Variants in ANO2 observed in about 807,000 individuals in gnomAD.
ANO2 encodes anoctamin 2.
In ANO2, 101 loss-of-function variants were observed where a neutral mutation model predicts 124.2. That is an observed-to-expected ratio of 0.81 (90% CI 0.69 to 0.96). The LOEUF (loss-of-function observed/expected upper bound fraction) is 0.96. Ranked by LOEUF, ANO2 falls within the 40% of genes least tolerant of loss-of-function variation. The probability of loss-of-function intolerance (pLI) is 0.00; values close to 1 mark genes in which losing one functional copy is unlikely to be tolerated. For missense variants in ANO2, 1,293 were observed against 1,274.5 expected (o/e 1.01, Z -0.22); for synonymous variants, 486 against 482.5 (o/e 1.01, Z -0.09).
At chr12:5,798,081 C>A (rs954796287) in intron 10 of ANO2, among the ~76,000 whole-genome samples, 2 of 151,994 alleles carry the variant, frequency 1.3e-5, no homozygotes, top group African/African-American at 4.8e-5. Context: ...AAAACAAAAA[C>A]AAATGAGTAG....
rs527538721 is a variant in ANO2, at chr12:5,671,762, G to A, written c.1546-23961C>T. Among the ~76,000 whole-genome samples the A allele has an allele frequency of 2.4e-3, 372 of 152,260 alleles. 3 individuals are homozygous for A. The highest frequency in any genetic ancestry group is 7.9e-3 in the African/African-American group (328 of 41,534). ...ACTCGAAAGCCTAGAGATATACTCA[G>A]CCATTTTCTTTATGATGACCATATT... On this transcript the variant is annotated intron_variant, in intron 14 of 24. Coordinates refer to ENST00000682330, the MANE Select transcript of ANO2 (RefSeq NM_001364791.2).
At chr12:5,737,855 C>T (rs1025723318) in intron 13 of ANO2, among the ~76,000 whole-genome samples, 4 of 152,178 alleles carry the variant, frequency 2.6e-5, no homozygotes, top group Non-Finnish European at 5.9e-5. Flanking sequence ...TTCTCTGTTG[C>T]TTATCTTCCT....
intron 14 of ANO2, among the ~76,000 whole-genome samples, chr12:5,689,492 C>A (rs1052977000): frequency 6.6e-6 from 1 of 152,108 alleles, no homozygotes; most frequent in Admixed American, 6.5e-5. Context: ...CCTCTCAGCT[C>A]CTCCTAGATG....
intron 14 of ANO2, among the ~76,000 whole-genome samples, chr12:5,685,212 T>A (rs11063817): frequency 6.6e-6 from 1 of 152,030 alleles, no homozygotes; most frequent in African/African-American, 2.4e-5. Flanking sequence ...GGAGAAGGGC[T>A]TGGTCCTCAG....
intron 6 of ANO2, 33 bp downstream of exon 6, chr12:5,830,402 C>T: frequency 6.2e-7 from 1 of 1,605,276 alleles, no homozygotes; most frequent in Non-Finnish European, 8.5e-7. Flanking sequence ...TTTCCCCATC[C>T]TCTTTCCTAA....
chr12:5,853,173 T>TTTTC lies in ANO2; in HGVS notation c.633+869_633+870insGAAA, dbSNP rs1436351004. On this transcript the variant is annotated intron_variant, in intron 4 of 24. Transcript: ENST00000682330. ...TAGAAATTCCCTGGGTAGATTTTTTTTTTTTTTTGGTAGAGGTGGGGTTTT... is the reference window on the plus strand; with the variant it reads ...TAGAAATTCCCTGGGTAGATTTTTTTTTTCTTTTTTTTGGTAGAGGTGGGGTTTT... Among the ~76,000 whole-genome samples, 14 of 150,788 alleles carry TTTTC rather than the reference T, an allele frequency of 9.3e-5. 1 individual carries two copies. Among genetic ancestry groups the TTTTC allele is most frequent in the Non-Finnish European group, 2.1e-4 (14 of 67,612 alleles).
At chr12:5,930,815 A>C (rs541477674) in intron 1 of ANO2, among the ~76,000 whole-genome samples, 1 of 152,234 alleles carries the variant, frequency 6.6e-6, no homozygotes, top group South Asian at 2.1e-4. Flanking sequence ...CTCAGTCTCT[A>C]TATGCAGCCA....
intron 11 of ANO2, among the ~76,000 whole-genome samples, chr12:5,750,082 C>T (rs1401040423): frequency 6.6e-6 from 1 of 152,026 alleles, no homozygotes; most frequent in East Asian, 1.9e-4. Context: ...AGGTACATGC[C>T]ACCAAACCAA....
In ANO2 at chr12:5,900,221, A is replaced by C. The variant is rs1940090692; in HGVS notation, c.534+20819T>G. 6.6e-6 allele frequency among the ~76,000 whole-genome samples: 1 copy of C among 152,114 alleles called. No individual in the cohort carries two copies. Among genetic ancestry groups the C allele is most frequent in the Non-Finnish European group, 1.5e-5 (1 of 68,020 alleles). The stretch of plus-strand genomic sequence containing the variant: ...AACCAAGAGCCCTGAGAGGATGGAG[A>C]GGCACCACTATGCCCAGCTTCATCT... On this transcript the variant is annotated intron_variant, in intron 3 of 24. Coordinates refer to ENST00000682330, the MANE Select transcript of ANO2 (RefSeq NM_001364791.2). This position sits in a 1 kb window ranked among gnomAD's most constrained non-coding sequence, Gnocchi z 4.2.
chr12:5,686,720 A>C (rs914627168), intron 14 of ANO2, among the ~76,000 whole-genome samples: 1 of 152,232 alleles, frequency 6.6e-6, no homozygotes, highest in Non-Finnish European at 1.5e-5. Flanking sequence ...ACCCAAGGAC[A>C]CCAGCTGCGC....
intron 20 of ANO2, among the ~76,000 whole-genome samples, chr12:5,581,438 A>C (rs1420709121): frequency 3.9e-5 from 6 of 152,108 alleles, no homozygotes; most frequent in African/African-American, 1.4e-4. Flanking sequence ...TCTGAAATCT[A>C]ACTTCCTTCC....
chr12:5,907,989 C>T (rs910689692), intron 3 of ANO2, among the ~76,000 whole-genome samples: 3 of 152,242 alleles, frequency 2.0e-5, no homozygotes, highest in Non-Finnish European at 4.4e-5. Context: ...CTGAATGCAA[C>T]CTCCCCAACT....
At chr12:5,943,277 T>TTGTGTGTGTGTGTGTGTGTG (rs138167836) in intron 1 of ANO2, among the ~76,000 whole-genome samples, 1 of 148,368 alleles carries the variant, frequency 6.7e-6, no homozygotes, top group Non-Finnish European at 1.5e-5. Flanking sequence ...GAGTGTGTGT[T>TTGTGTGTGTGTGTGTGTGTG]TGTGTGTGTG....
At position 5,844,532 on chromosome 12, in the gene ANO2, C is replaced by A. The variant is rs115946429; in HGVS notation, c.633+9511G>T. ...AATAACAGAGGAAAAAATACATTCA[C>A]AAATTGTCATTTGCTTTACATGTAG... On this transcript the variant is annotated intron_variant, in intron 4 of 24. Transcript: ENST00000682330. Among the ~76,000 whole-genome samples the A allele has an allele frequency of 5.8e-3, 876 of 152,318 alleles. 12 individuals are homozygous for A. The highest frequency in any genetic ancestry group is 0.02 in the African/African-American group (813 of 41,558).
intron 3 of ANO2, among the ~76,000 whole-genome samples, chr12:5,859,349 A>C (rs570042722): frequency 6.6e-6 from 1 of 152,220 alleles, no homozygotes; most frequent in South Asian, 2.1e-4. Flanking sequence ...TCTCTAGCTT[A>C]GTTGAAATGT....
intron 14 of ANO2, among the ~76,000 whole-genome samples, chr12:5,704,533 A>C (rs1420737814): frequency 6.6e-6 from 1 of 152,128 alleles, no homozygotes; most frequent in Non-Finnish European, 1.5e-5. Context: ...CTTTTACTGA[A>C]CTTTGTAATG....
intron 16 of ANO2, among the ~76,000 whole-genome samples, chr12:5,632,989 T>TA (rs1031938512): frequency 2.0e-5 from 3 of 151,992 alleles, no homozygotes; most frequent in Non-Finnish European, 2.9e-5. Context: ...GCCACGCTCT[T>TA]AAAAAAAATC....
intron 1 of ANO2, among the ~76,000 whole-genome samples, chr12:5,937,022 T>C (rs1342564525): frequency 6.6e-6 from 1 of 152,242 alleles, no homozygotes; most frequent in African/African-American, 2.4e-5. Context: ...TCAATGAACA[T>C]GGCAGTGCAG....
rs1942075847 is a variant in ANO2 at position 5,926,309 on chromosome 12, C to G, written c.23-3505G>C. ...CTCCTTCCCCTGGAGGACGGCGATGCCCTCCTAACAGATCTCCCTGCTCCC... is the reference window on the plus strand; with the variant it reads ...CTCCTTCCCCTGGAGGACGGCGATGGCCTCCTAACAGATCTCCCTGCTCCC... On this transcript the variant is annotated intron_variant, in intron 1 of 24. Transcript: ENST00000682330. Among the ~76,000 whole-genome samples, 12 of 152,312 alleles carry G rather than the reference C, an allele frequency of 7.9e-5. No individual in the cohort carries two copies. The South Asian group carries it at 2.5e-3, about 32-fold the overall frequency.
Sources: allele counts gnomAD v4.1 joint callset (sites outside exome capture counted in the v4.1 genomes callset), GRCh38; gene constraint gnomAD v4.1.1; non-coding constraint Gnocchi (gnomAD v3.1); transcripts MANE v1.5; gene names NCBI Gene and HGNC (gene_info 2026-07-23, HGNC 2026-07-21).